The following SEMA3A variants were observed in gnomAD, a reference collection of about 807,000 sequenced individuals.
The protein encoded by SEMA3A is semaphorin-3A.
Under a neutral mutation model 97.9 loss-of-function variants are expected in SEMA3A, and 29 were observed. The ratio of observed to expected loss-of-function variants is 0.30; its 90% CI spans 0.22 to 0.40. SEMA3A has a LOEUF of 0.40. Among genes scored for constraint, SEMA3A ranks in the 10% least tolerant of loss-of-function variants. The pLI, the probability that SEMA3A is intolerant of heterozygous loss-of-function variation, is 1.00. For missense variants in SEMA3A, 763 were observed against 951.3 expected, an observed-to-expected ratio of 0.80 and a Z score of 2.60; for synonymous variants, 321 against 323.7, an observed-to-expected ratio of 0.99 and a Z score of 0.09.
At chr7:83,999,465 G>A (rs1044997068) in intron 12 of SEMA3A, among the ~76,000 whole-genome samples, 3 of 151,944 alleles carry the variant, frequency 2.0e-5, no homozygotes, top group Non-Finnish European at 4.4e-5. Flanking sequence ...TTACAATGTC[G>A]TGATATGATA....
At chr7:84,225,716 A>C (rs765531407) in intron 3 of SEMA3A, among the ~76,000 whole-genome samples, 9 of 152,124 alleles carry the variant, frequency 5.9e-5, no homozygotes, top group Non-Finnish European at 1.3e-4. Context: ...ACACTCACAC[A>C]GTATGTGCTC....
At chr7:84,399,663 T>C (rs1460275445) in intron 1 of SEMA3A, among the ~76,000 whole-genome samples, 2 of 152,200 alleles carry the variant, frequency 1.3e-5, no homozygotes, top group African/African-American at 4.8e-5. Context: ...TCTAGACCCA[T>C]TGTGAGCCAG....
intron 3 of SEMA3A, among the ~76,000 whole-genome samples, chr7:84,297,510 C>A (rs1180883366): frequency 6.6e-6 from 1 of 152,088 alleles, no homozygotes; most frequent in East Asian, 1.9e-4. Context: ...CTTTGAGGGT[C>A]TACTTTTCAA....
chr7:84,428,635 C>T lies in SEMA3A; in HGVS notation c.-245-56735G>A, dbSNP rs184553129. 8.4e-4 allele frequency among the ~76,000 whole-genome samples: 128 copies of T among 152,030 alleles called. 1 individual carries two copies. The highest frequency in any genetic ancestry group is 3.4e-3 in the Middle Eastern group (1 of 290). On this transcript the variant is annotated intron_variant, in intron 1 of 3. Coordinates refer to the SEMA3A transcript ENST00000424555. ...CAAGCACTTTATAATTTAGAATTAT[C>T]TGTGAATTCCATTAGTATAAAAATT...
At chr7:84,368,376 G>C (rs2116091632) in intron 2 of SEMA3A, among the ~76,000 whole-genome samples, 1 of 151,120 alleles carries the variant, frequency 6.6e-6, no homozygotes, top group Admixed American at 6.6e-5. Context: ...TTGATGAGTT[G>C]TAATTAAAAA....
rs180703872 is a variant in SEMA3A at position 84,448,071 on chromosome 7, C to T, written c.-246+44389G>A. Among the ~76,000 whole-genome samples, 824 of 152,302 alleles carry T rather than the reference C, an allele frequency of 5.4e-3. 5 individuals carry two copies. Among genetic ancestry groups the T allele is most frequent in the Non-Finnish European group, 8.0e-3 (545 of 68,016 alleles). ...TGTGCCAGACCCCGCATTCACTTGG[C>T]CATACACCCTTCGTCGCTCCCTGCC... On this transcript the variant is annotated intron_variant, in intron 1 of 3. Coordinates refer to the SEMA3A transcript ENST00000424555.
At chr7:84,303,611 A>T (rs1801080208) in intron 3 of SEMA3A, among the ~76,000 whole-genome samples, 2 of 152,084 alleles carry the variant, frequency 1.3e-5, no homozygotes, top group Non-Finnish European at 2.9e-5. Context: ...CACTGGTTCA[A>T]TTTAGAAATT....
At chr7:84,308,269 A>G (rs943040880) in intron 2 of SEMA3A, among the ~76,000 whole-genome samples, 1 of 152,152 alleles carries the variant, frequency 6.6e-6, no homozygotes, top group African/African-American at 2.4e-5. Flanking sequence ...ACTGTGTGAT[A>G]GGATTAGATA....
At chr7:84,061,656 T>A (rs1793220013) in intron 4 of SEMA3A, among the ~76,000 whole-genome samples, 1 of 152,196 alleles carries the variant, frequency 6.6e-6, no homozygotes, top group Non-Finnish European at 1.5e-5. Flanking sequence ...GTAGGGATCA[T>A]TTTGTTTAAC....
chr7:84,222,598 G>A (rs2116339457), intron 3 of SEMA3A, among the ~76,000 whole-genome samples: 1 of 151,894 alleles, frequency 6.6e-6, no homozygotes, highest in South Asian at 2.1e-4. Context: ...TTGTTCTAAA[G>A]CTTAATATTA....
At chr7:84,219,386 C>T (rs890914395) in intron 3 of SEMA3A, among the ~76,000 whole-genome samples, 3 of 151,996 alleles carry the variant, frequency 2.0e-5, no homozygotes, top group Admixed American at 6.6e-5. Flanking sequence ...TTAAGGCTTT[C>T]GGTATAACTA....
chr7:84,068,573 G>C (rs1166447105), intron 4 of SEMA3A, among the ~76,000 whole-genome samples: 1 of 152,060 alleles, frequency 6.6e-6, no homozygotes, highest in Non-Finnish European at 1.5e-5. Flanking sequence ...AGAAGCAGCA[G>C]AACGAAGTGG....
intron 3 of SEMA3A, among the ~76,000 whole-genome samples, chr7:84,200,613 T>C (rs1798331706): frequency 6.6e-6 from 1 of 152,102 alleles, no homozygotes; most frequent in South Asian, 2.1e-4. Flanking sequence ...TCTTCTTAAA[T>C]TCAACACATT....
At chr7:84,320,878 T>C (rs546779752) in intron 2 of SEMA3A, among the ~76,000 whole-genome samples, 1 of 152,248 alleles carries the variant, frequency 6.6e-6, no homozygotes, top group African/African-American at 2.4e-5. Flanking sequence ...ATGAGTATCA[T>C]TGTGATTTTC....
chr7:84,205,604 TA>T (rs1484242065), intron 3 of SEMA3A, among the ~76,000 whole-genome samples: 2 of 152,168 alleles, frequency 1.3e-5, no homozygotes, highest in South Asian at 2.1e-4. Flanking sequence ...CTAGAAACAG[TA>T]TAAAGTTAAG....
chr7:84,490,194 T>A (rs1260113243), intron 1 of SEMA3A, among the ~76,000 whole-genome samples: 1 of 128,244 alleles, frequency 7.8e-6, no homozygotes, highest in African/African-American at 3.2e-5. Context: ...ACAATGCTTT[T>A]CCAGCAAAAA....
intron 2 of SEMA3A, among the ~76,000 whole-genome samples, chr7:84,341,394 C>A (rs1215329628): frequency 6.6e-6 from 1 of 151,920 alleles, no homozygotes; most frequent in Non-Finnish European, 1.5e-5. Context: ...AGGTTTTCCA[C>A]CTTTTAGAAA....
At chr7:84,352,862 G>C (rs1254663222) in intron 2 of SEMA3A, among the ~76,000 whole-genome samples, 1 of 151,736 alleles carries the variant, frequency 6.6e-6, no homozygotes, top group East Asian at 1.9e-4. Flanking sequence ...TATTTATTGA[G>C]ATCAAATCAA....
rs372408774 is a variant in SEMA3A, at chr7:84,358,033, T to A, written c.-169+13791A>T. Among the ~76,000 whole-genome samples, 10 of 152,350 alleles carry A rather than the reference T, an allele frequency of 6.6e-5. 2 individuals carry two copies. Among genetic ancestry groups the A allele is most frequent in the Admixed American group, 6.5e-5 (1 of 15,300 alleles). ...TTGAGTTCTTTGTAGATACTGGATATTAGCCCTTTGTCAGATTAGTAGATT... is the reference window on the plus strand; with the variant it reads ...TTGAGTTCTTTGTAGATACTGGATAATAGCCCTTTGTCAGATTAGTAGATT... On this transcript the variant is annotated intron_variant, in intron 2 of 3. Coordinates refer to the SEMA3A transcript ENST00000424555.
Sources: gnomAD v4.1 joint callset for allele counts (sites outside exome capture counted in the v4.1 genomes callset) on GRCh38, gnomAD v4.1.1 for gene constraint, MANE v1.5 for transcripts, NCBI Gene and HGNC (gene_info 2026-07-23, HGNC 2026-07-21) for gene names.